ATF6: variants seen among roughly 807,000 people sequenced by gnomAD.
ATF6 encodes the protein cyclic AMP-dependent transcription factor ATF-6 alpha.
A neutral mutation model predicts 83.6 loss-of-function variants in ATF6; 53 were observed. The ratio of observed to expected loss-of-function variants is 0.63; its 90% confidence interval spans 0.51 to 0.80. ATF6 has a LOEUF of 0.80. Among genes scored for constraint, ATF6 ranks in the 30% least tolerant of loss-of-function variants. The pLI is 0.00. For synonymous variants in ATF6, 288 were observed against 285.8 expected (o/e 1.01, Z -0.08); for missense variants, 744 against 797.9 (o/e 0.93, Z 0.81).
intron 12 of ATF6, among the ~76,000 whole-genome samples, chr1:161,855,196 TG>T (rs1409797690): frequency 6.6e-6 from 1 of 152,100 alleles, no homozygotes; most frequent in African/African-American, 2.4e-5. Context: ...GGAGTATGAC[TG>T]GAAGTAGGGA....
chr1:161,866,166 C>T (rs1686993717), intron 14 of ATF6, among the ~76,000 whole-genome samples: 1 of 152,116 alleles, frequency 6.6e-6, no homozygotes, highest in Non-Finnish European at 1.5e-5. Context: ...TAGCATGAAC[C>T]AGACATTTAT....
At chr1:161,807,027 A>G (rs1208970838) in intron 7 of ATF6, among the ~76,000 whole-genome samples, 1 of 152,106 alleles carries the variant, frequency 6.6e-6, no homozygotes, top group East Asian at 1.9e-4. Context: ...TAGCAAGCAG[A>G]AAGCAAGCCT....
At chr1:161,822,545 A>G (rs1685791974) in intron 9 of ATF6, among the ~76,000 whole-genome samples, 1 of 152,190 alleles carries the variant, frequency 6.6e-6, no homozygotes, top group African/African-American at 2.4e-5. Flanking sequence ...TCTTTTTTAA[A>G]AAAAAACATT....
chr1:161,799,272 CT>C (rs1685088159), intron 6 of ATF6, among the ~76,000 whole-genome samples: 1 of 152,162 alleles, frequency 6.6e-6, no homozygotes, highest in Non-Finnish European at 1.5e-5. Context: ...AAATCATGTT[CT>C]TTGCAGCAAC....
intron 14 of ATF6, among the ~76,000 whole-genome samples, chr1:161,865,472 A>G (rs1451770641): frequency 6.6e-6 from 1 of 152,212 alleles, no homozygotes; most frequent in African/African-American, 2.4e-5. Flanking sequence ...CTAGCTTTAA[A>G]CAGACTGTAT....
chr1:161,826,109 G>A (rs1685890115), intron 9 of ATF6, among the ~76,000 whole-genome samples: 1 of 152,134 alleles, frequency 6.6e-6, no homozygotes, highest in Non-Finnish European at 1.5e-5. Flanking sequence ...GAACATAGAA[G>A]TAACCAGTAA....
chr1:161,799,117 G>GAC (rs916302615), intron 6 of ATF6, among the ~76,000 whole-genome samples: 95 of 152,176 alleles, frequency 6.2e-4, no homozygotes, highest in African/African-American at 2.2e-3. Flanking sequence ...GGAATATAAA[G>GAC]ACACACGCAC....
intron 9 of ATF6, among the ~76,000 whole-genome samples, chr1:161,833,524 T>G (rs1364458825): frequency 6.6e-6 from 1 of 151,986 alleles, no homozygotes; most frequent in African/African-American, 2.4e-5. Context: ...ATTAGATGAA[T>G]GGATAACTAG....
At chr1:161,815,109 G>A (rs777727317) in intron 7 of ATF6, among the ~76,000 whole-genome samples, 5 of 151,170 alleles carry the variant, frequency 3.3e-5, no homozygotes, top group Non-Finnish European at 7.4e-5. Flanking sequence ...TCATCCATAG[G>A]TTATCAATAC....
At chr1:161,902,042 T>C (rs921973794) in intron 14 of ATF6, among the ~76,000 whole-genome samples, 1 of 152,174 alleles carries the variant, frequency 6.6e-6, no homozygotes, top group African/African-American at 2.4e-5. Flanking sequence ...GGTAGATACA[T>C]GGTTTCCGAA....
intron 12 of ATF6, among the ~76,000 whole-genome samples, chr1:161,857,706 A>T (rs1254619342): frequency 6.6e-6 from 1 of 152,122 alleles, no homozygotes; most frequent in Admixed American, 6.5e-5. Context: ...ATGTGTGTGT[A>T]TTTAAATGTC....
At chr1:161,881,320 A>G (rs1195082768) in intron 14 of ATF6, among the ~76,000 whole-genome samples, 2 of 152,100 alleles carry the variant, frequency 1.3e-5, no homozygotes, top group Admixed American at 1.3e-4. Flanking sequence ...GGTTCCACTC[A>G]TAAGTTCACA....
intron 9 of ATF6, among the ~76,000 whole-genome samples, chr1:161,831,841 T>C (rs915520888): frequency 6.6e-6 from 1 of 150,990 alleles, no homozygotes; most frequent in Non-Finnish European, 1.5e-5. Flanking sequence ...ATACACCTAA[T>C]GTAAATGGCG....
intron 14 of ATF6, among the ~76,000 whole-genome samples, chr1:161,898,955 T>C (rs1313842549): frequency 6.6e-6 from 1 of 152,192 alleles, no homozygotes; most frequent in Admixed American, 6.5e-5. Context: ...ATGGTAAAAT[T>C]CTAAAGTATT....
At chr1:161,853,639 A>G (rs1010555613) in intron 12 of ATF6, among the ~76,000 whole-genome samples, 1 of 152,244 alleles carries the variant, frequency 6.6e-6, no homozygotes, top group African/African-American at 2.4e-5. Context: ...TCACAATGGT[A>G]TAATAAATAA....
At chr1:161,783,492 T>A (rs1238500333) in intron 3 of ATF6, among the ~76,000 whole-genome samples, 4 of 152,200 alleles carry the variant, frequency 2.6e-5, no homozygotes, top group African/African-American at 9.7e-5. Flanking sequence ...GAACATTTTT[T>A]ATGAGTTTGA....
intron 9 of ATF6, among the ~76,000 whole-genome samples, chr1:161,839,860 T>A (rs189317486): frequency 6.6e-6 from 1 of 152,190 alleles, no homozygotes; most frequent in Admixed American, 6.5e-5. Context: ...GTGGCTTTGC[T>A]AAAGAGAGAG....
rs1489284072 is a variant in ATF6 at position 161,863,180 on chromosome 1, A to G, written c.1605-18A>G. The G allele has an allele frequency of 1.4e-6, 2 of 1,441,070 alleles. No homozygotes were observed. Among genetic ancestry groups the G allele is most frequent in the East Asian group, 2.3e-5 (1 of 43,566 alleles). 89.3% of individuals were successfully genotyped at this position (1,441,070 alleles called of 1,614,324 possible). On this transcript the variant is annotated intron_variant, in intron 13 of 15. Transcript: ENST00000367942. ...AAACTTTTTATTTTAGTAATACCTT[A>G]TATTTTTCTTACTTTAGCAGGAACT...
rs542385149 is a variant in ATF6, at chr1:161,835,863, A to C, written c.1188-10586A>C. ...CATCCTCCTTTGCTGCAAATCATAA[A>C]TGAACATACTAAGGAGGTTTTAAAT... On this transcript the variant is annotated intron_variant, in intron 9 of 15. Coordinates refer to ENST00000367942, the MANE Select transcript of ATF6 (RefSeq NM_007348.4). 5.3e-5 allele frequency among the ~76,000 whole-genome samples: 8 copies of C among 152,212 alleles called. No homozygotes were observed. The South Asian group carries it at 1.7e-3, about 31-fold the overall frequency.
Sources: gnomAD v4.1 joint callset for allele counts (sites outside exome capture counted in the v4.1 genomes callset) on GRCh38, gnomAD v4.1.1 for gene constraint, MANE v1.5 for transcripts, NCBI Gene and HGNC (gene_info 2026-07-23, HGNC 2026-07-21) for gene names.